The following IRS1 variants were observed in gnomAD, a reference collection of about 807,000 sequenced individuals.
IRS1 encodes insulin receptor substrate 1.
Under a neutral mutation model 65.6 loss-of-function variants are expected in IRS1, and 34 were observed. The ratio of observed to expected loss-of-function variants is 0.52; its 90% CI spans 0.39 to 0.69. The LOEUF is 0.69. Among genes scored for constraint, IRS1 ranks in the 30% least tolerant of loss-of-function variants. The pLI is 0.00. For missense variants in IRS1, 1,641 were observed against 1,720.2 expected, an observed-to-expected ratio of 0.95 and a Z score of 0.81; for synonymous variants, 699 against 683.5, an observed-to-expected ratio of 1.02 and a Z score of -0.35.
chr2:226,782,077 T>C (rs1326925289), intron 1 of IRS1, among the ~76,000 whole-genome samples: 1 of 152,088 alleles, frequency 6.6e-6, no homozygotes. Context: ...AAGGAAGTTA[T>C]TGTTTAGCTG....
Position 226,795,819 on chromosome 2 carries a change from T to C in IRS1, c.2920A>G (p.Ser974Gly). 1 of 1,612,954 alleles carries C rather than the reference T, an allele frequency of 6.2e-7. No homozygotes were observed. Among genetic ancestry groups the C allele is most frequent in the East Asian group, 2.2e-5 (1 of 44,870 alleles). ...RLGPAPPGAA[S>G]ICRPTRAVPS... is the part of the protein sequence containing the mutation. ...ACTGCCCGGGTAGGCCTGCAAATGCTAGCAGCCCCGGGAGGTGCAGGGCCC... is the reference window on the plus strand; with the variant it reads ...ACTGCCCGGGTAGGCCTGCAAATGCCAGCAGCCCCGGGAGGTGCAGGGCCC... The change falls in exon 1 of 2, where the codon AGC (serine) becomes GGC (glycine). Residue 974 changes from serine (S) to glycine (G), a missense_variant. This residue lies in a region of IRS1 where 1,324 missense variants were observed against 1,361.0 expected (regional missense o/e 0.97). Coordinates refer to ENST00000305123, the MANE Select transcript of IRS1 (RefSeq NM_005544.3).
chr2:226,731,423 TTGA>T lies in IRS1; in HGVS notation c.*4846_*4848del, dbSNP rs1167501567. ...AATTCATTTAGACAGTTTTCTTTAA[TTGA>T]TGATGAAGACACTACAATTCTAAGT... On this transcript the variant is annotated 3_prime_UTR_variant, in exon 2 of 2. Coordinates refer to ENST00000305123, the MANE Select transcript of IRS1 (RefSeq NM_005544.3). The T allele has an allele frequency of 1.3e-5, 2 of 152,180 alleles. No homozygotes were observed. Among genetic ancestry groups the T allele is most frequent in the African/African-American group, 2.4e-5 (1 of 41,518 alleles). 9.4% of individuals were successfully genotyped at this position (152,180 alleles called of 1,614,324 possible). A position where few individuals can be genotyped will look rare whatever the true frequency, so the allele number is the denominator to read the frequency against.
intron 1 of IRS1, among the ~76,000 whole-genome samples, chr2:226,739,566 T>C (rs1208282910): frequency 6.6e-6 from 1 of 152,200 alleles, no homozygotes; most frequent in Non-Finnish European, 1.5e-5. Context: ...TTAAGCTGGG[T>C]AATTGTTCCC....
intron 1 of IRS1, among the ~76,000 whole-genome samples, chr2:226,750,121 T>C (rs976142860): frequency 8.6e-5 from 13 of 151,946 alleles, no homozygotes; most frequent in African/African-American, 2.9e-4. Context: ...TGGTGGTACA[T>C]GCCTGTAATC....
chr2:226,791,476 G>A (rs1277547535), intron 1 of IRS1, among the ~76,000 whole-genome samples: 1 of 152,210 alleles, frequency 6.6e-6, no homozygotes, highest in Non-Finnish European at 1.5e-5. Flanking sequence ...GGGCTGGTTG[G>A]ACTTTTTCAT....
At chr2:226,770,105 G>A (rs1939135268) in intron 1 of IRS1, among the ~76,000 whole-genome samples, 1 of 152,124 alleles carries the variant, frequency 6.6e-6, no homozygotes, top group Non-Finnish European at 1.5e-5. Context: ...ACAGGCAATT[G>A]ATTACCAGTG....
At chr2:226,783,409 C>T (rs1309602935) in intron 1 of IRS1, among the ~76,000 whole-genome samples, 1 of 152,252 alleles carries the variant, frequency 6.6e-6, no homozygotes, top group African/African-American at 2.4e-5. Flanking sequence ...TTCCTCATGC[C>T]ACATTTTGCA....
At chr2:226,761,836 C>G (rs770425162) in intron 1 of IRS1, among the ~76,000 whole-genome samples, 37 of 152,318 alleles carry the variant, frequency 2.4e-4, no homozygotes, top group Middle Eastern at 3.4e-3. Flanking sequence ...GAAATCATGA[C>G]AAAGCCATAA....
chr2:226,751,794 T>C (rs1392521974), intron 1 of IRS1, among the ~76,000 whole-genome samples: 5 of 152,040 alleles, frequency 3.3e-5, no homozygotes, highest in Non-Finnish European at 2.9e-5. Context: ...TCAAAAGTGA[T>C]AGAACCAAAA....
At chr2:226,753,657 A>G (rs546766241) in intron 1 of IRS1, among the ~76,000 whole-genome samples, 1 of 152,340 alleles carries the variant, frequency 6.6e-6, no homozygotes, top group African/African-American at 2.4e-5. Context: ...AATCATAGGT[A>G]CTCATAAATA....
At chr2:226,769,548 A>T (rs1315235021) in intron 1 of IRS1, among the ~76,000 whole-genome samples, 1 of 152,246 alleles carries the variant, frequency 6.6e-6, no homozygotes, top group Admixed American at 6.5e-5. Flanking sequence ...CTAGACATGC[A>T]GATGTTGTTT....
chr2:226,762,338 C>T (rs1445583000), intron 1 of IRS1, among the ~76,000 whole-genome samples: 6 of 142,388 alleles, frequency 4.2e-5, no homozygotes, highest in African/African-American at 1.3e-4. Flanking sequence ...ATCTAAAATG[C>T]CATCAGAACA....
intron 1 of IRS1, among the ~76,000 whole-genome samples, chr2:226,749,398 T>C (rs993773537): frequency 1.3e-5 from 2 of 152,182 alleles, no homozygotes; most frequent in Non-Finnish European, 2.9e-5. Context: ...GCCACTGACT[T>C]GCCCCACATC....
At chr2:226,782,150 G>C (rs75992938) in intron 1 of IRS1, among the ~76,000 whole-genome samples, 16 of 152,114 alleles carry the variant, frequency 1.1e-4, no homozygotes, top group Non-Finnish European at 1.5e-4. Context: ...GGTGGGTTAG[G>C]GGGGTGGACT....
Position 226,799,404 on chromosome 2 carries a change from G to A in IRS1, c.-666C>T. 1.6e-6 allele frequency: 2 copies of A among 1,263,382 alleles called. No homozygotes were observed. Among genetic ancestry groups the A allele is most frequent in the South Asian group, 2.6e-5 (2 of 76,606 alleles). The allele number at this position is 1,263,382 out of a possible 1,614,324, so 78.3% of individuals were successfully genotyped here. Reference sequence around the variant, plus strand: ...GCTGCTGCTGCTGCCGCCGCCCGCGGGCGCGTCCTCTGCAGCCCCCATCCG... The same window carrying A: ...GCTGCTGCTGCTGCCGCCGCCCGCGAGCGCGTCCTCTGCAGCCCCCATCCG... On this transcript the variant is annotated 5_prime_UTR_variant, in exon 1 of 2. Coordinates refer to ENST00000305123, the MANE Select transcript of IRS1 (RefSeq NM_005544.3). The surrounding 1 kb of genome is among the most constrained non-coding windows in gnomAD (Gnocchi z 6.1).
Position 226,799,508 on chromosome 2 carries a change from G to A in IRS1, c.-770C>T. The A allele has an allele frequency of 8.8e-7, 1 of 1,137,560 alleles. No individual in the cohort carries two copies. 70.5% of individuals were successfully genotyped at this position (1,137,560 alleles called of 1,614,324 possible). On this transcript the variant is annotated 5_prime_UTR_variant, in exon 1 of 2. Transcript: ENST00000305123. This position sits in a 1 kb window ranked among gnomAD's most constrained non-coding sequence, Gnocchi z 6.1. ...CAGCCACTGCAGCTGGGGACCGGCC[G>A]GAGGGACAGACTCATCCCTGCCCCT...
chr2:226,743,242 T>C lies in IRS1; in HGVS notation c.*22-6992A>G, dbSNP rs10168135. On this transcript the variant is annotated intron_variant, in intron 1 of 1. Transcript: ENST00000305123. ...TCAGGCAGGAAGATTTAATTTTTTT[T>C]TTTTGGAGACAGAGTCTCACTCTGT... 8.4e-3 allele frequency among the ~76,000 whole-genome samples: 1,280 copies of C among 152,170 alleles called. 26 individuals carry two copies. Among genetic ancestry groups the C allele is most frequent in the African/African-American group, 0.03 (1,227 of 41,506 alleles).
chr2:226,796,527 C>T lies in IRS1; in HGVS notation c.2212G>A (p.Val738Met). ...CTGDYMNMSP[V>M]GDSNTSSPSD... ...GGGCTGCTGGTGTTGGAGTCCCCCACTGGTGACATGTTCATGTAGTCACCT... is the reference window on the plus strand; with the variant it reads ...GGGCTGCTGGTGTTGGAGTCCCCCATTGGTGACATGTTCATGTAGTCACCT... Residue 738 changes from valine to methionine, a missense_variant, in exon 1 of 2, where the codon GTG becomes ATG. Transcript: ENST00000305123. 6.2e-7 allele frequency: 1 copy of T among 1,614,040 alleles called. No individual in the cohort carries two copies. Among genetic ancestry groups the T allele is most frequent in the Non-Finnish European group, 8.5e-7 (1 of 1,180,024 alleles).
intron 1 of IRS1, among the ~76,000 whole-genome samples, chr2:226,739,547 T>C (rs1938395769): frequency 6.6e-6 from 1 of 152,196 alleles, no homozygotes; most frequent in African/African-American, 2.4e-5. Flanking sequence ...TGGTGAATAA[T>C]GGGACTGATT....
Sources: allele counts gnomAD v4.1 joint callset (sites outside exome capture counted in the v4.1 genomes callset), GRCh38; gene constraint gnomAD v4.1.1; regional missense constraint gnomAD v4.1.1; non-coding constraint Gnocchi (gnomAD v3.1); transcripts MANE v1.5; gene names NCBI Gene and HGNC (gene_info 2026-07-23, HGNC 2026-07-21).